Variants in REPS1 observed in about 807,000 individuals in gnomAD.
The protein encoded by REPS1 is ralBP1-associated Eps domain-containing protein 1.
A neutral mutation model predicts 100.9 loss-of-function variants in REPS1; 39 were observed. The observed-to-expected ratio is 0.39, with a 90% CI of 0.30 to 0.50. The LOEUF is 0.50. Ranked by LOEUF, REPS1 falls within the 20% of genes least tolerant of loss-of-function variation. The probability of loss-of-function intolerance (pLI) is 0.86; values close to 1 mark genes in which losing one functional copy is unlikely to be tolerated. For synonymous variants in REPS1, 324 were observed against 340.3 expected (o/e 0.95, Z 0.53); for missense variants, 821 against 968.5 (o/e 0.85, Z 2.02).
At chr6:138,914,585 A>G (rs766922982) in intron 15 of REPS1, 112 bp downstream of exon 15, 4 of 827,778 alleles carry the variant, frequency 4.8e-6, no homozygotes, top group Non-Finnish European at 8.2e-6. Context: ...ATGCTCATTA[A>G]AGATTACCAA....
intron 11 of REPS1, 108 bp downstream of exon 11, chr6:138,920,910 ATATACATAATTGTAGAAAG>A: frequency 1.5e-6 from 1 of 668,584 alleles, no homozygotes; most frequent in Non-Finnish European, 2.6e-6. Flanking sequence ...ATGCATGAAC[ATATACATAATTGTAGAAAG>A]TACTAGCTTA....
intron 8 of REPS1, among the ~76,000 whole-genome samples, chr6:138,938,889 C>G (rs866871392): frequency 2.6e-5 from 4 of 151,698 alleles, no homozygotes; most frequent in African/African-American, 9.7e-5. Context: ...ACTCTGTCAC[C>G]CAGGCTGGAA....
At position 138,933,540 on chromosome 6, in the gene REPS1, G is replaced by A. The variant is rs190346113; in HGVS notation, c.1136-3442C>T. ...CAGTAGGCTGGATCTATCTCACAGGGCTTAGTTTTTAGACCCCTGGTATAC... is the reference window on the plus strand; with the variant it reads ...CAGTAGGCTGGATCTATCTCACAGGACTTAGTTTTTAGACCCCTGGTATAC... On this transcript the variant is annotated intron_variant, in intron 8 of 19. Coordinates refer to ENST00000450536, the MANE Select transcript of REPS1 (RefSeq NM_001286611.2). Among the ~76,000 whole-genome samples, 342 of 152,126 alleles carry A rather than the reference G, an allele frequency of 2.2e-3. 1 individual carries two copies. Among genetic ancestry groups the A allele is most frequent in the Admixed American group, 0.021 (318 of 15,280 alleles).
At chr6:138,920,345 A>T in intron 11 of REPS1, 29 bp from the exon 12 acceptor site, 1 of 1,196,794 alleles carries the variant, frequency 8.4e-7, no homozygotes, top group Non-Finnish European at 1.2e-6. Context: ...GTAAAAATAC[A>T]AGACATAGGT....
chr6:138,908,162 A>G (rs969026686), intron 18 of REPS1, among the ~76,000 whole-genome samples: 1 of 152,174 alleles, frequency 6.6e-6, no homozygotes, highest in Non-Finnish European at 1.5e-5. Context: ...GGGGTTTGAA[A>G]ACAGGGTGTT....
rs1441860090 is a variant in REPS1 at position 138,905,331 on chromosome 6, C to CCGGACTG, written c.2323-206_2323-200dup. On this transcript the variant is annotated intron_variant, in intron 19 of 19. Coordinates refer to ENST00000450536, the MANE Select transcript of REPS1 (RefSeq NM_001286611.2). ...ACGGAGTCTCGCTCTGTCGCCCAGGCCGGACTGCGGACTGCAATGGCGCAA... is the reference window on the plus strand; with the variant it reads ...ACGGAGTCTCGCTCTGTCGCCCAGGCCGGACTGCGGACTGCGGACTGCAATGGCGCAA... Among the ~76,000 whole-genome samples, 4 of 152,336 alleles carry CCGGACTG rather than the reference C, an allele frequency of 2.6e-5. No homozygotes were observed. In the South Asian group the frequency reaches 6.2e-4, roughly 24 times the overall value.
At position 138,944,136 on chromosome 6, in the gene REPS1, A is replaced by G. The variant is rs974516926; in HGVS notation, c.754-121T>C. ...TTTTTGTGTATATTTAAAATGTAAA[A>G]CCACACATCTGTTACAGTCAGATTA... On this transcript the variant is annotated intron_variant, in intron 5 of 19. Transcript: ENST00000450536. The G allele has an allele frequency of 2.6e-5, 23 of 900,152 alleles. No homozygotes were observed. The African/African-American group carries it at 2.7e-4, about 11-fold the overall frequency. The allele number at this position is 900,152 out of a possible 1,614,324, so 55.8% of individuals were successfully genotyped here.
intron 1 of REPS1, among the ~76,000 whole-genome samples, chr6:138,951,610 C>A (rs527698710): frequency 6.6e-5 from 10 of 152,236 alleles, no homozygotes; most frequent in African/African-American, 2.4e-4. Context: ...GCAGAGCTCG[C>A]AAACTACTTT....
At chr6:138,937,577 C>T (rs191276059) in intron 8 of REPS1, among the ~76,000 whole-genome samples, 1 of 152,182 alleles carries the variant, frequency 6.6e-6, no homozygotes, top group East Asian at 1.9e-4. Context: ...TGCAACGCAC[C>T]CTAACAATGA....
chr6:138,936,500 A>G (rs1781846676), intron 8 of REPS1, among the ~76,000 whole-genome samples: 1 of 151,898 alleles, frequency 6.6e-6, no homozygotes, highest in Non-Finnish European at 1.5e-5. Flanking sequence ...TATCTTTACT[A>G]ATATCTGTAA....
intron 16 of REPS1, among the ~76,000 whole-genome samples, chr6:138,911,796 AGAG>A (rs1780029428): frequency 1.3e-5 from 2 of 149,760 alleles, no homozygotes; most frequent in Non-Finnish European, 1.5e-5. Flanking sequence ...TGTGTGAGGG[AGAG>A]GAGGAGGGGA....
chr6:138,908,885 C>A, intron 17 of REPS1, 69 bp from the exon 18 acceptor site: 1 of 1,433,242 alleles, frequency 7.0e-7, no homozygotes, highest in South Asian at 1.3e-5. Flanking sequence ...TTTGCAACAC[C>A]ATTTGCTTTC....
chr6:138,936,342 C>A (rs1412909700), intron 8 of REPS1, among the ~76,000 whole-genome samples: 1 of 152,032 alleles, frequency 6.6e-6, no homozygotes, highest in African/African-American at 2.4e-5. Flanking sequence ...AGCCACTGTG[C>A]CTGACCAAAA....
intron 7 of REPS1, among the ~76,000 whole-genome samples, chr6:138,942,436 G>A (rs1190670426): frequency 6.6e-6 from 1 of 152,010 alleles, no homozygotes; most frequent in African/African-American, 2.4e-5. Context: ...ATGTTTATCT[G>A]ATAATCGTTT....
At position 138,981,368 on chromosome 6, in the gene REPS1, TACAC is replaced by T. The variant is rs57336029; in HGVS notation, c.153+6158_153+6161del. ...TTTAACTTCCATTAGACAAATTTCT[TACAC>T]AGAGGGAAAAGATGAGTGAAGATGC... On this transcript the variant is annotated intron_variant, in intron 1 of 19. Transcript: ENST00000450536. 9.9e-3 allele frequency among the ~76,000 whole-genome samples: 1,515 copies of T among 152,300 alleles called. 28 individuals are homozygous for T. Among genetic ancestry groups the T allele is most frequent in the African/African-American group, 0.034 (1,418 of 41,552 alleles).
chr6:138,922,354 A>C (rs1270926644), intron 10 of REPS1, among the ~76,000 whole-genome samples: 1 of 152,198 alleles, frequency 6.6e-6, no homozygotes, highest in Non-Finnish European at 1.5e-5. Context: ...AAGAGGAACA[A>C]GACTCCCATT....
chr6:138,923,814 T>C (rs1303377360), intron 10 of REPS1, among the ~76,000 whole-genome samples: 14 of 152,230 alleles, frequency 9.2e-5, no homozygotes, highest in Admixed American at 9.2e-4. Flanking sequence ...GCACTGACTT[T>C]TACTGAGCAA....
intron 1 of REPS1, among the ~76,000 whole-genome samples, chr6:138,979,041 C>T (rs1187680293): frequency 6.6e-6 from 1 of 151,932 alleles, no homozygotes; most frequent in African/African-American, 2.4e-5. Context: ...ATCAGCCAGG[C>T]GTGGTGGTAG....
intron 8 of REPS1, among the ~76,000 whole-genome samples, chr6:138,940,548 C>T (rs1032357371): frequency 2.0e-5 from 3 of 151,856 alleles, no homozygotes; most frequent in African/African-American, 7.3e-5. Flanking sequence ...AGATAGAGAC[C>T]ATCCTGGCCA....
Sources: allele counts gnomAD v4.1 joint callset (sites outside exome capture counted in the v4.1 genomes callset), GRCh38; gene constraint gnomAD v4.1.1; transcripts MANE v1.5; gene names NCBI Gene and HGNC (gene_info 2026-07-23, HGNC 2026-07-21).